Variants in SPATA6 observed in about 807,000 individuals in gnomAD.
SPATA6 encodes the protein spermatogenesis associated 6.
A neutral mutation model predicts 65.3 loss-of-function variants in SPATA6; 56 were observed. That is an observed-to-expected ratio of 0.86 (90% CI 0.69 to 1.07). The LOEUF (loss-of-function observed/expected upper bound fraction) is 1.07. Among genes scored for constraint, SPATA6 ranks in the 50% least tolerant of loss-of-function variants. The pLI is 0.00. For synonymous variants in SPATA6, 199 were observed against 213.2 expected (o/e 0.93, Z 0.58); for missense variants, 590 against 594.8 (o/e 0.99, Z 0.08).
At chr1:48,335,825 C>A (rs1383665808) in intron 11 of SPATA6, among the ~76,000 whole-genome samples, 4 of 151,972 alleles carry the variant, frequency 2.6e-5, no homozygotes, top group African/African-American at 9.7e-5. Context: ...GCAAAAGAAA[C>A]TATTAACAAA....
At position 48,317,178 on chromosome 1, in the gene SPATA6, G is replaced by T. The variant is rs143781410; in HGVS notation, c.1195-11300C>A. 5.2e-3 allele frequency among the ~76,000 whole-genome samples: 787 copies of T among 152,260 alleles called. 17 individuals carry two copies. The highest frequency in any genetic ancestry group is 0.05 in the South Asian group (240 of 4,826). ...TTTGACCCAGCCATCCCATTACTGG[G>T]TATATACCCAAAGGATTATAAATCA... On this transcript the variant is annotated intron_variant, in intron 11 of 12. Coordinates refer to ENST00000371847, the MANE Select transcript of SPATA6 (RefSeq NM_019073.4).
At chr1:48,378,614 G>A (rs777778639) in intron 9 of SPATA6, among the ~76,000 whole-genome samples, 3 of 152,058 alleles carry the variant, frequency 2.0e-5, no homozygotes, top group Non-Finnish European at 4.4e-5. Context: ...AAGCAAAAGC[G>A]GAAAGCCCTG....
intron 11 of SPATA6, among the ~76,000 whole-genome samples, chr1:48,354,347 C>T (rs1646597700): frequency 6.6e-6 from 1 of 152,010 alleles, no homozygotes; most frequent in African/African-American, 2.4e-5. Flanking sequence ...TCTACTAAAG[C>T]TGAGTGTACA....
intron 4 of SPATA6, among the ~76,000 whole-genome samples, chr1:48,411,885 T>C (rs144837058): frequency 1.1e-3 from 160 of 152,006 alleles, no homozygotes; most frequent in African/African-American, 3.8e-3. Flanking sequence ...TTTTTTGAGA[T>C]GGAGTTTCAC....
chr1:48,442,739 A>C (rs942046550), intron 3 of SPATA6, among the ~76,000 whole-genome samples: 21 of 150,604 alleles, frequency 1.4e-4, no homozygotes, highest in Admixed American at 5.3e-4. Flanking sequence ...AAAAAAAAAA[A>C]AAAAAACAGT....
chr1:48,400,821 T>C, intron 6 of SPATA6: 4 of 1,294,682 alleles, frequency 3.1e-6, no homozygotes, highest in Non-Finnish European at 4.1e-6. Context: ...GTTCATGGTA[T>C]GCTTCTGGAC....
the SPATA6 span, among the ~76,000 whole-genome samples, chr1:48,281,626 AG>A: frequency 6.6e-6 from 1 of 151,310 alleles, no homozygotes; most frequent in Admixed American, 6.6e-5. Flanking sequence ...CCAACTTACA[AG>A]GGACGTGAAG....
At chr1:48,360,692 G>C (rs1646787152) in intron 9 of SPATA6, among the ~76,000 whole-genome samples, 1 of 152,098 alleles carries the variant, frequency 6.6e-6, no homozygotes, top group African/African-American at 2.4e-5. Context: ...TCTATAAATA[G>C]GACATCCCAG....
At chr1:48,396,712 G>C (rs537264206) in intron 7 of SPATA6, among the ~76,000 whole-genome samples, 1 of 151,638 alleles carries the variant, frequency 6.6e-6, no homozygotes, top group Non-Finnish European at 1.5e-5. Flanking sequence ...GGTACCAAGA[G>C]TAGTCAAATT....
intron 3 of SPATA6, among the ~76,000 whole-genome samples, chr1:48,432,313 A>G (rs1654478252): frequency 6.6e-6 from 1 of 152,144 alleles, no homozygotes; most frequent in African/African-American, 2.4e-5. Flanking sequence ...GAAAATGTTA[A>G]AATTTCGTGC....
chr1:48,306,236 G>A (rs1425236547), intron 11 of SPATA6, among the ~76,000 whole-genome samples: 1 of 151,772 alleles, frequency 6.6e-6, no homozygotes, highest in Admixed American at 6.6e-5. Context: ...TGCATTTTGA[G>A]GAATAAGTAT....
At chr1:48,278,053 C>A in the SPATA6 span, among the ~76,000 whole-genome samples, 4 of 152,208 alleles carry the variant, frequency 2.6e-5, no homozygotes, top group African/African-American at 9.6e-5. Context: ...CCCATCACTG[C>A]TGATACCCAG....
chr1:48,467,361 A>G (rs1430254424), intron 1 of SPATA6, among the ~76,000 whole-genome samples: 1 of 152,178 alleles, frequency 6.6e-6, no homozygotes, highest in Non-Finnish European at 1.5e-5. Context: ...AATCAAAGAT[A>G]ACACCTAGTT....
intron 3 of SPATA6, among the ~76,000 whole-genome samples, chr1:48,441,374 A>T (rs913982180): frequency 6.6e-6 from 1 of 152,218 alleles, no homozygotes; most frequent in East Asian, 1.9e-4. Flanking sequence ...ACAGCCTGTA[A>T]TCAGGTATTT....
At chr1:48,442,731 A>AC (rs1042071163) in intron 3 of SPATA6, among the ~76,000 whole-genome samples, 2 of 149,704 alleles carry the variant, frequency 1.3e-5, no homozygotes, top group African/African-American at 4.9e-5. Flanking sequence ...AAAAAAAAAA[A>AC]AAAAAAAAAA....
intron 5 of SPATA6, among the ~76,000 whole-genome samples, chr1:48,410,586 T>A (rs142633233): frequency 3.5e-4 from 53 of 152,330 alleles, no homozygotes; most frequent in African/African-American, 1.3e-3. Flanking sequence ...GGGTAATTTA[T>A]CAGGAAAGAG....
intron 9 of SPATA6, among the ~76,000 whole-genome samples, chr1:48,368,547 A>G (rs1013821930): frequency 2.0e-5 from 3 of 151,964 alleles, no homozygotes; most frequent in Admixed American, 6.6e-5. Context: ...CATTCATTTC[A>G]TCTTCCATCA....
At position 48,301,593 on chromosome 1, in the gene SPATA6, G is replaced by A. The variant is rs573766101; in HGVS notation, c.1287-2700C>T. ...CAAAGCAATCCTGAGCAAACAGAAC[G>A]AAGTTGGAGGCATCACATAACCTGA... On this transcript the variant is annotated intron_variant, in intron 12 of 12. Coordinates refer to ENST00000371847, the MANE Select transcript of SPATA6 (RefSeq NM_019073.4). 8.5e-4 allele frequency among the ~76,000 whole-genome samples: 128 copies of A among 151,078 alleles called. 3 individuals are homozygous for A. The South Asian group carries it at 0.024, about 28-fold the overall frequency.
the SPATA6 span, among the ~76,000 whole-genome samples, chr1:48,273,874 G>A: frequency 3.3e-5 from 5 of 152,114 alleles, no homozygotes; most frequent in African/African-American, 1.2e-4. Context: ...GGGATTGCTG[G>A]GTCAAATGGT....
Sources: allele counts gnomAD v4.1 joint callset (sites outside exome capture counted in the v4.1 genomes callset), GRCh38; gene constraint gnomAD v4.1.1; transcripts MANE v1.5; gene names NCBI Gene and HGNC (gene_info 2026-07-23, HGNC 2026-07-21).